Variants in ARAP2 observed in about 807,000 individuals in gnomAD.
ARAP2 encodes ArfGAP with RhoGAP domain, ankyrin repeat and PH domain 2.
A neutral mutation model predicts 194.5 loss-of-function variants in ARAP2; 148 were observed. The observed-to-expected ratio is 0.76, with a 90% CI of 0.67 to 0.87. The LOEUF is 0.87. Ranked by LOEUF, ARAP2 falls within the 40% of genes least tolerant of loss-of-function variation. ARAP2 has a pLI of 0.00. For synonymous variants in ARAP2, 695 were observed against 683.5 expected (o/e 1.02, Z -0.26); for missense variants, 2,128 against 1,989.7 (o/e 1.07, Z -1.32).
At chr4:36,100,141 G>A (rs1022140866) in intron 27 of ARAP2, among the ~76,000 whole-genome samples, 1 of 151,960 alleles carries the variant, frequency 6.6e-6, no homozygotes, top group Admixed American at 6.6e-5. Context: ...ATGTAATACC[G>A]CTACATCCCA....
chr4:36,048,064 G>A (rs1343844729), intron 3 of ARAP2, among the ~76,000 whole-genome samples: 2 of 152,066 alleles, frequency 1.3e-5, no homozygotes, highest in Non-Finnish European at 2.9e-5. Context: ...TGTCTCCCTG[G>A]TAAGCACAAC....
At chr4:36,238,627 A>C (rs950382114) in intron 1 of ARAP2, among the ~76,000 whole-genome samples, 1 of 152,212 alleles carries the variant, frequency 6.6e-6, no homozygotes, top group Non-Finnish European at 1.5e-5. Flanking sequence ...AGTTTTATAC[A>C]CCATTTAAGT....
chr4:36,152,151 A>G (rs982538375), intron 15 of ARAP2, among the ~76,000 whole-genome samples: 1 of 152,208 alleles, frequency 6.6e-6, no homozygotes, highest in Non-Finnish European at 1.5e-5. Context: ...CAGTATTCTG[A>G]AAATGAATTA....
intron 8 of ARAP2, among the ~76,000 whole-genome samples, chr4:36,185,964 G>A (rs934834385): frequency 6.7e-6 from 1 of 150,362 alleles, no homozygotes. Context: ...GGCAACAAGA[G>A]TGAAACTCTG....
chr4:36,209,157 C>A (rs938222734), intron 6 of ARAP2, among the ~76,000 whole-genome samples: 7 of 152,118 alleles, frequency 4.6e-5, no homozygotes, highest in Non-Finnish European at 7.4e-5. Context: ...TTTAAGAGAG[C>A]ACTTGGACCT....
intron 5 of ARAP2, among the ~76,000 whole-genome samples, chr4:36,023,562 AT>A (rs1717378407): frequency 6.6e-6 from 1 of 152,104 alleles, no homozygotes; most frequent in African/African-American, 2.4e-5. Flanking sequence ...GAGATTAGAG[AT>A]GTCAACCAAA....
At chr4:36,047,159 T>G (rs188930048) in intron 3 of ARAP2, 101 of 152,384 alleles carry the variant, frequency 6.6e-4, no homozygotes, top group African/African-American at 2.3e-3. Context: ...CTGTGGCGTC[T>G]GCCCACCAGA....
chr4:36,147,698 A>T lies in ARAP2; in HGVS notation c.3049T>A (p.Leu1017Met), dbSNP rs756588931. ...AENLTEADYD[L>M]IGQLFYKDCH... is the part of the protein sequence containing the mutation. ...TCTTTGTAGAAGAGTTGACCAATCA[A>T]ATCATAGTCAGCTTCTGTTAAGTTT... Residue 1017 changes from leucine to methionine, a missense_variant, in exon 18 of 33, where the codon TTG (leucine) becomes ATG (methionine). By Grantham distance (15) the Leu-to-Met change is conservative. Coordinates refer to ENST00000303965, the MANE Select transcript of ARAP2 (RefSeq NM_015230.4). 13 of 1,612,530 alleles carry T rather than the reference A, an allele frequency of 8.1e-6. No individual in the cohort carries two copies. The East Asian group carries it at 2.7e-4, about 33-fold the overall frequency.
At chr4:36,099,303 TTGA>T (rs1270178760) in intron 27 of ARAP2, among the ~76,000 whole-genome samples, 1 of 152,168 alleles carries the variant, frequency 6.6e-6, no homozygotes, top group African/African-American at 2.4e-5. Context: ...CAGTCTATCG[TTGA>T]TGAGTATTTG....
At chr4:36,223,806 C>T (rs1749665568) in intron 2 of ARAP2, among the ~76,000 whole-genome samples, 1 of 151,872 alleles carries the variant, frequency 6.6e-6, no homozygotes, top group Non-Finnish European at 1.5e-5. Flanking sequence ...AGTAGAGAGC[C>T]GTCACCAAAA....
intron 5 of ARAP2, among the ~76,000 whole-genome samples, chr4:36,035,646 TC>T (rs149052109): frequency 0.019 from 2,865 of 152,262 alleles, 41 homozygotes; most frequent in South Asian, 0.037. Flanking sequence ...TTCAGTGTTT[TC>T]CATGGCATAT....
intron 30 of ARAP2, among the ~76,000 whole-genome samples, chr4:36,080,708 A>G (rs1035168432): frequency 1.3e-5 from 2 of 152,186 alleles, no homozygotes; most frequent in African/African-American, 4.8e-5. Context: ...CATCATTGTA[A>G]TTGTAAACAC....
intron 6 of ARAP2, among the ~76,000 whole-genome samples, chr4:36,201,527 T>C (rs1418262504): frequency 6.6e-6 from 1 of 152,180 alleles, no homozygotes; most frequent in African/African-American, 2.4e-5. Context: ...AGAAGCTTTT[T>C]TCGAATAATT....
intron 21 of ARAP2, among the ~76,000 whole-genome samples, chr4:36,126,103 G>T (rs563129664): frequency 1.3e-5 from 2 of 151,988 alleles, no homozygotes; most frequent in Non-Finnish European, 2.9e-5. Context: ...CCATACACAT[G>T]AGTATACTGA....
intron 6 of ARAP2, among the ~76,000 whole-genome samples, chr4:36,208,366 G>A (rs547181462): frequency 2.2e-4 from 33 of 152,266 alleles, no homozygotes; most frequent in Non-Finnish European, 3.7e-4. Context: ...TATTGGCTAC[G>A]TCTGCTTTTA....
chr4:36,227,956 AC>A (rs1294230739), intron 2 of ARAP2, among the ~76,000 whole-genome samples: 1 of 152,174 alleles, frequency 6.6e-6, no homozygotes, highest in Non-Finnish European at 1.5e-5. Context: ...GCGTATAAGA[AC>A]CTACACTGGT....
intron 4 of ARAP2, among the ~76,000 whole-genome samples, chr4:36,046,392 T>C (rs1232779951): frequency 6.6e-6 from 1 of 152,132 alleles, no homozygotes; most frequent in African/African-American, 2.4e-5. Context: ...TCTCACTATA[T>C]TGTCCTGGCC....
downstream of ARAP2, among the ~76,000 whole-genome samples, chr4:36,063,050 C>T (rs2109280672): frequency 6.6e-6 from 1 of 152,260 alleles, no homozygotes. Flanking sequence ...ACTAACATAA[C>T]TAACTCCATT....
At chr4:36,140,472 C>G (rs886980252) in intron 19 of ARAP2, among the ~76,000 whole-genome samples, 2 of 151,670 alleles carry the variant, frequency 1.3e-5, no homozygotes, top group African/African-American at 4.8e-5. Context: ...TGGCAATATT[C>G]AGATTAAGCC....
Sources: allele counts gnomAD v4.1 joint callset (sites outside exome capture counted in the v4.1 genomes callset), GRCh38; gene constraint gnomAD v4.1.1; transcripts MANE v1.5; gene names NCBI Gene and HGNC (gene_info 2026-07-23, HGNC 2026-07-21).